MGAT5: variants seen among roughly 807,000 people sequenced by gnomAD.
MGAT5 encodes alpha-1,6-mannosylglycoprotein 6-beta-N-acetylglucosaminyltransferase A.
In MGAT5, 30 loss-of-function variants were observed where a neutral mutation model predicts 94.3. That is an observed-to-expected ratio of 0.32 (90% CI 0.24 to 0.43). The LOEUF is 0.43. Ranked by LOEUF, MGAT5 falls within the 20% of genes least tolerant of loss-of-function variation. The pLI, the probability that MGAT5 is intolerant of heterozygous loss-of-function variation, is 1.00. For missense variants in MGAT5, 691 were observed against 905.5 expected (o/e 0.76, Z 3.04); for synonymous variants, 310 against 322.9 (o/e 0.96, Z 0.43).
At chr2:134,250,012 G>A (rs1246907095), upstream of MGAT5, among the ~76,000 whole-genome samples, 1 of 152,180 alleles carries the variant, frequency 6.6e-6, no homozygotes, top group Non-Finnish European at 1.5e-5. Flanking sequence ...TAATGATGTT[G>A]AGCATCTTTT....
At chr2:134,275,329 C>T (rs576907973) in intron 2 of MGAT5, among the ~76,000 whole-genome samples, 44 of 152,280 alleles carry the variant, frequency 2.9e-4, no homozygotes, top group Non-Finnish European at 5.0e-4. Flanking sequence ...TATGTGGACC[C>T]TTGTCAGAAG....
chr2:134,182,467 A>C (rs1360900906), intron 1 of MGAT5, among the ~76,000 whole-genome samples: 1 of 152,224 alleles, frequency 6.6e-6, no homozygotes, highest in East Asian at 1.9e-4. Context: ...GTGAGAGTAG[A>C]CCAAACTCTA....
Position 134,270,415 on chromosome 2 carries a change from G to A in MGAT5, c.271G>A (p.Asp91Asn), listed in dbSNP as rs1354686271. ...DLKKTLAVLL[D>N]NILQRIGKLE... ...GAAGAAAACCCTTGCTGTGTTATTA[G>A]ATAACATTTTGCAGCGCATTGGCAA... The change falls in exon 2 of 16, where the codon GAT becomes AAT. Residue 91 changes from aspartate to asparagine, a missense_variant. By Grantham distance (23) the Asp-to-Asn change is conservative (BLOSUM62 1). Around this residue, in one of 4 missense-constraint regions of MGAT5, gnomAD observed 307 missense variants for 335.4 expected, o/e 0.92. Coordinates refer to ENST00000281923, the MANE Select transcript of MGAT5 (RefSeq NM_002410.5). 1.9e-6 allele frequency: 3 copies of A among 1,614,148 alleles called. No homozygotes were observed. In the Admixed American group the frequency reaches 5.0e-5, roughly 27 times the overall value.
intron 1 of MGAT5, among the ~76,000 whole-genome samples, chr2:134,171,851 T>C (rs1688225491): frequency 6.6e-6 from 1 of 152,182 alleles, no homozygotes; most frequent in Non-Finnish European, 1.5e-5. Context: ...GTATTTGCTC[T>C]TGTCGGGGAG....
At chr2:134,361,062 G>A (rs544938917) in intron 9 of MGAT5, among the ~76,000 whole-genome samples, 2 of 152,334 alleles carry the variant, frequency 1.3e-5, no homozygotes, top group Admixed American at 6.5e-5. Context: ...GCTGGGCATC[G>A]GAGTCCTAGG....
chr2:134,432,982 AT>A (rs201628316), intron 14 of MGAT5, among the ~76,000 whole-genome samples: 7 of 149,664 alleles, frequency 4.7e-5, no homozygotes, highest in South Asian at 2.1e-4. Context: ...ACACAATTCA[AT>A]TTTTTTTTTA....
intron 1 of MGAT5, among the ~76,000 whole-genome samples, chr2:134,164,744 C>T (rs1032379778): frequency 2.6e-5 from 4 of 151,756 alleles, no homozygotes; most frequent in Admixed American, 6.6e-5. Context: ...ACAAGAGGAT[C>T]GCTTGAGTCC....
intron 2 of MGAT5, among the ~76,000 whole-genome samples, chr2:134,297,941 T>TA (rs1194394476): frequency 6.6e-6 from 1 of 152,064 alleles, no homozygotes. Context: ...AAATATAGGT[T>TA]AAAAAAATAA....
At chr2:134,409,656 A>G (rs1418755024) in intron 11 of MGAT5, among the ~76,000 whole-genome samples, 1 of 152,172 alleles carries the variant, frequency 6.6e-6, no homozygotes, top group Non-Finnish European at 1.5e-5. Context: ...GATTATCCTC[A>G]ATGTTCCCCA....
chr2:134,442,231 A>T (rs1285219720), intron 15 of MGAT5, among the ~76,000 whole-genome samples: 1 of 152,132 alleles, frequency 6.6e-6, no homozygotes, highest in East Asian at 1.9e-4. Context: ...GTTGACCCCA[A>T]GAACAGTGGG....
chr2:134,174,832 G>A (rs1371221443), intron 1 of MGAT5, among the ~76,000 whole-genome samples: 2 of 152,244 alleles, frequency 1.3e-5, no homozygotes, highest in African/African-American at 4.8e-5. Context: ...GCCGCTTGAT[G>A]GTGACCATGG....
At chr2:134,277,650 C>T (rs200303793) in intron 2 of MGAT5, among the ~76,000 whole-genome samples, 3 of 152,146 alleles carry the variant, frequency 2.0e-5, no homozygotes, top group African/African-American at 7.2e-5. Flanking sequence ...AGACCAATAA[C>T]GTTCTTAGAA....
intron 1 of MGAT5, among the ~76,000 whole-genome samples, chr2:134,236,062 C>T (rs1229154146): frequency 6.6e-6 from 1 of 152,092 alleles, no homozygotes; most frequent in East Asian, 1.9e-4. Context: ...AATGGAAGAG[C>T]CTCAGACACC....
chr2:134,367,384 G>A (rs948207702), intron 10 of MGAT5, among the ~76,000 whole-genome samples: 5 of 152,208 alleles, frequency 3.3e-5, no homozygotes, highest in African/African-American at 7.2e-5. Flanking sequence ...AGTGGTTGGC[G>A]AACTCTAGAC....
At chr2:134,385,197 C>T (rs1681895448) in intron 10 of MGAT5, among the ~76,000 whole-genome samples, 1 of 152,182 alleles carries the variant, frequency 6.6e-6, no homozygotes, top group African/African-American at 2.4e-5. Flanking sequence ...TACATCATTT[C>T]CTACTTATCC....
rs115775275 is a variant in MGAT5, at chr2:134,364,812, C to G, written c.1380+2404C>G. Among the ~76,000 whole-genome samples, 825 of 152,306 alleles carry G rather than the reference C, an allele frequency of 5.4e-3. 2 individuals are homozygous for G. The highest frequency in any genetic ancestry group is 0.019 in the African/African-American group (795 of 41,566). ...TTCACATGAATTCAGGACATCTTCT[C>G]CAACTCTAGAACACGGCACAGTATG... On this transcript the variant is annotated intron_variant, in intron 10 of 15. Transcript: ENST00000281923.
At chr2:134,327,389 A>G (rs374232087) in intron 4 of MGAT5, among the ~76,000 whole-genome samples, 2 of 152,000 alleles carry the variant, frequency 1.3e-5, no homozygotes, top group African/African-American at 4.8e-5. Context: ...TGCCAGCATC[A>G]TTACTCTTGA....
chr2:134,242,137 A>G (rs1004882336), intron 1 of MGAT5, among the ~76,000 whole-genome samples: 2 of 152,246 alleles, frequency 1.3e-5, no homozygotes, highest in African/African-American at 2.4e-5. Context: ...TTATAAAACA[A>G]CAAAAACTCA....
chr2:134,172,203 A>G (rs1468894374), intron 1 of MGAT5, among the ~76,000 whole-genome samples: 1 of 152,130 alleles, frequency 6.6e-6, no homozygotes, highest in African/African-American at 2.4e-5. Flanking sequence ...CCCAGCACAC[A>G]CATCATCATG....
Sources: allele counts gnomAD v4.1 joint callset (sites outside exome capture counted in the v4.1 genomes callset), GRCh38; gene constraint gnomAD v4.1.1; regional missense constraint gnomAD v4.1.1; transcripts MANE v1.5; gene names NCBI Gene and HGNC (gene_info 2026-07-23, HGNC 2026-07-21).